Variants in ARHGAP21 observed in about 807,000 individuals in gnomAD.
ARHGAP21 encodes the protein Rho GTPase activating protein 21, also known as rho GTPase-activating protein 21.
ARHGAP21 carries 38 observed loss-of-function variants against 164.6 expected under a neutral mutation model. The observed-to-expected ratio is 0.23, with a 90% confidence interval of 0.18 to 0.30. ARHGAP21 has a LOEUF of 0.30. Among genes scored for constraint, ARHGAP21 ranks in the 10% least tolerant of loss-of-function variants. The pLI is 1.00. For synonymous variants in ARHGAP21, 766 were observed against 857.9 expected (o/e 0.89, Z 1.87); for missense variants, 1,822 against 2,370.7 (o/e 0.77, Z 4.81).
intron 2 of ARHGAP21, among the ~76,000 whole-genome samples, chr10:24,709,955 TA>T (rs1844619359): frequency 6.6e-6 from 1 of 152,214 alleles, no homozygotes; most frequent in South Asian, 2.1e-4. Flanking sequence ...AAGCTTAACA[TA>T]AGTCAGTTTT....
chr10:24,688,341 C>T (rs906082287), intron 2 of ARHGAP21, among the ~76,000 whole-genome samples: 3 of 151,876 alleles, frequency 2.0e-5, no homozygotes, highest in African/African-American at 4.8e-5. Flanking sequence ...TGAAGTGAGC[C>T]GAGATGGCAC....
chr10:24,663,953 G>A (rs1839940342), intron 4 of ARHGAP21, among the ~76,000 whole-genome samples: 2 of 152,148 alleles, frequency 1.3e-5, no homozygotes, highest in South Asian at 2.1e-4. Flanking sequence ...TGTATAAAGA[G>A]GGTACATTAC....
intron 4 of ARHGAP21, among the ~76,000 whole-genome samples, chr10:24,642,822 T>C (rs896942925): frequency 6.6e-6 from 1 of 152,184 alleles, no homozygotes. Context: ...AGTAAGTTCA[T>C]ATACGCACGA....
intron 2 of ARHGAP21, among the ~76,000 whole-genome samples, chr10:24,693,830 T>C (rs939272644): frequency 6.6e-6 from 1 of 152,198 alleles, no homozygotes; most frequent in Non-Finnish European, 1.5e-5. Flanking sequence ...CTGTATTGAG[T>C]AGAAAATGAA....
At chr10:24,645,885 G>A (rs1328099927) in intron 4 of ARHGAP21, among the ~76,000 whole-genome samples, 5 of 152,146 alleles carry the variant, frequency 3.3e-5, no homozygotes, top group African/African-American at 4.8e-5. Context: ...AGAGTGAGAA[G>A]GAAAGGAAGA....
At chr10:24,683,688 G>T (rs949655245) in intron 2 of ARHGAP21, among the ~76,000 whole-genome samples, 2 of 152,014 alleles carry the variant, frequency 1.3e-5, no homozygotes, top group African/African-American at 4.8e-5. Flanking sequence ...TCAGAAACCT[G>T]GTCTAGGCTA....
At chr10:24,596,712 G>T (rs1039891097) in intron 17 of ARHGAP21, 28 bp downstream of exon 17, 26 of 1,613,140 alleles carry the variant, frequency 1.6e-5, no homozygotes, top group Non-Finnish European at 2.2e-5. Flanking sequence ...AATGACTTGA[G>T]GAAATCCGGT....
chr10:24,702,572 T>G (rs1053997183), intron 2 of ARHGAP21, among the ~76,000 whole-genome samples: 14 of 147,224 alleles, frequency 9.5e-5, no homozygotes, highest in African/African-American at 3.0e-4. Context: ...TGTTTTAAGG[T>G]TTTTTTTTTG....
chr10:24,642,034 A>G (rs1593135604), intron 4 of ARHGAP21, among the ~76,000 whole-genome samples: 1 of 151,818 alleles, frequency 6.6e-6, no homozygotes, highest in East Asian at 1.9e-4. Flanking sequence ...GGAAATGTCC[A>G]GCATACACAA....
At chr10:24,646,844 T>C (rs543177686) in intron 4 of ARHGAP21, among the ~76,000 whole-genome samples, 3 of 152,290 alleles carry the variant, frequency 2.0e-5, no homozygotes, top group Non-Finnish European at 4.4e-5. Context: ...CATAAATATG[T>C]ATAACTGTCA....
At chr10:24,631,343 A>G (rs1230999212) in intron 6 of ARHGAP21, among the ~76,000 whole-genome samples, 1 of 152,184 alleles carries the variant, frequency 6.6e-6, no homozygotes, top group African/African-American at 2.4e-5. Flanking sequence ...CAGCCTGGGC[A>G]ACAAGAGTGA....
chr10:24,639,864 T>C (rs1219015244), intron 4 of ARHGAP21, among the ~76,000 whole-genome samples: 1 of 151,934 alleles, frequency 6.6e-6, no homozygotes, highest in Non-Finnish European at 1.5e-5. Flanking sequence ...ATTTGCAACA[T>C]CTAAATTATT....
intron 4 of ARHGAP21, among the ~76,000 whole-genome samples, chr10:24,635,357 T>C (rs1388615194): frequency 6.6e-6 from 1 of 152,198 alleles, no homozygotes; most frequent in African/African-American, 2.4e-5. Flanking sequence ...CGTATGTCAG[T>C]TGCCACACTA....
chr10:24,648,379 T>G (rs1035970976), intron 4 of ARHGAP21, among the ~76,000 whole-genome samples: 2 of 152,226 alleles, frequency 1.3e-5, no homozygotes, highest in Non-Finnish European at 2.9e-5. Context: ...TACTTCATCT[T>G]ATACAAAATA....
In ARHGAP21 at chr10:24,635,079, G is replaced by C; in HGVS notation, c.293C>G (p.Pro98Arg). The change falls in exon 5 of 26, where the codon CCA becomes CGA. Residue 98 changes from proline to arginine, a missense_variant. Pro to Arg is a moderately radical substitution (Grantham distance 103). Transcript: ENST00000396432. ...RGGKQRNRLEPMDTIFVKQVK... is the reference protein window; with the variant it reads ...RGGKQRNRLERMDTIFVKQVK... ...TTGCTTAACAAATATGGTATCCATT[G>C]GTTCCAAGCGGTTTCTTTGTTTTCC... 5 of 1,593,608 alleles carry C rather than the reference G, an allele frequency of 3.1e-6. No homozygotes were observed. The highest frequency in any genetic ancestry group is 4.3e-6 in the Non-Finnish European group (5 of 1,172,622).
intron 2 of ARHGAP21, among the ~76,000 whole-genome samples, chr10:24,710,860 C>T (rs995540834): frequency 1.3e-5 from 2 of 152,002 alleles, no homozygotes; most frequent in East Asian, 1.9e-4. Flanking sequence ...CTTTGGGAGG[C>T]CAAGGCGGGT....
intron 2 of ARHGAP21, among the ~76,000 whole-genome samples, chr10:24,717,622 G>A (rs1845516377): frequency 6.6e-6 from 1 of 152,140 alleles, no homozygotes; most frequent in South Asian, 2.1e-4. Context: ...CCTGACAGGA[G>A]TTCAATCTAG....
At chr10:24,648,220 G>C (rs908664594) in intron 4 of ARHGAP21, among the ~76,000 whole-genome samples, 1 of 152,088 alleles carries the variant, frequency 6.6e-6, no homozygotes, top group Non-Finnish European at 1.5e-5. Flanking sequence ...CACCTCCCTC[G>C]AACAGGTACG....
chr10:24,623,346 T>G (rs1399320575), intron 7 of ARHGAP21, among the ~76,000 whole-genome samples: 1 of 152,206 alleles, frequency 6.6e-6, no homozygotes, highest in Non-Finnish European at 1.5e-5. Flanking sequence ...TTGTATTAGT[T>G]TGCAAAAATA....
Sources: allele counts gnomAD v4.1 joint callset (sites outside exome capture counted in the v4.1 genomes callset), GRCh38; gene constraint gnomAD v4.1.1; transcripts MANE v1.5; gene names NCBI Gene and HGNC (gene_info 2026-07-23, HGNC 2026-07-21).